The following CA5A variants were observed in gnomAD, a reference collection of about 807,000 sequenced individuals.
CA5A encodes the protein carbonic anhydrase 5A, mitochondrial.
Under a neutral mutation model 37.1 loss-of-function variants are expected in CA5A, and 28 were observed. The observed-to-expected ratio is 0.75, with a 90% CI of 0.56 to 1.03. CA5A has a LOEUF of 1.03. CA5A is among the 50% of genes least tolerant of loss of function. The probability of loss-of-function intolerance (pLI) is 0.00; values close to 1 mark genes in which losing one functional copy is unlikely to be tolerated. For missense variants in CA5A, 444 were observed against 399.9 expected (o/e 1.11, Z -0.94); for synonymous variants, 171 against 158.4 (o/e 1.08, Z -0.60).
intron 2 of CA5A, among the ~76,000 whole-genome samples, chr16:87,907,871 A>G (rs957007001): frequency 2.6e-5 from 4 of 152,234 alleles, no homozygotes; most frequent in African/African-American, 9.6e-5. Context: ...GGTTGCAGTG[A>G]GCCGAGATAG....
chr16:87,902,007 A>C (rs772566109), intron 4 of CA5A, 33 bp from the exon 5 acceptor site: 2 of 1,593,396 alleles, frequency 1.3e-6, no homozygotes, highest in African/African-American at 2.7e-5. Context: ...GTTAGCTGCA[A>C]AGGCAGTGGA....
chr16:87,882,830 A>C (rs1294438551), intron 4 of CA5A: 1 of 151,820 alleles, frequency 6.6e-6, no homozygotes, highest in African/African-American at 2.4e-5. Flanking sequence ...TTCCACTTCG[A>C]CTCCTTCAAC....
intron 2 of CA5A, among the ~76,000 whole-genome samples, chr16:87,905,911 G>A (rs1199860910): frequency 6.6e-6 from 1 of 152,210 alleles, no homozygotes; most frequent in Non-Finnish European, 1.5e-5. Flanking sequence ...TCAGCCATAA[G>A]CATCGCTCGC....
At chr16:87,901,673 C>T (rs549161134) in intron 5 of CA5A, among the ~76,000 whole-genome samples, 3 of 152,054 alleles carry the variant, frequency 2.0e-5, no homozygotes, top group Admixed American at 2.0e-4. Context: ...ACTGCAACCT[C>T]CACCTCTGGG....
rs866090278 is a variant in CA5A at position 87,888,038 on chromosome 16, C to G, written c.*91G>C. 29 of 1,489,340 alleles carry G rather than the reference C, an allele frequency of 1.9e-5. No homozygotes were observed. Among genetic ancestry groups the G allele is most frequent in the Middle Eastern group, 1.9e-4 (1 of 5,158 alleles). The allele number at this position is 1,489,340 out of a possible 1,614,324, so 92.3% of individuals were successfully genotyped here. ...TAACCTCATGCTCTCTTTTTAATTT[C>G]AGAAGTCATGTACAATCACATTGTG... On this transcript the variant is annotated 3_prime_UTR_variant, in exon 7 of 7. Transcript: ENST00000649794.
At chr16:87,906,398 C>T (rs189065073) in intron 2 of CA5A, among the ~76,000 whole-genome samples, 6 of 152,236 alleles carry the variant, frequency 3.9e-5, no homozygotes, top group South Asian at 4.2e-4. Flanking sequence ...GAGGCCGAGG[C>T]GGGCGGATCA....
chr16:87,888,375 G>C lies in CA5A; in HGVS notation c.775-103C>G, dbSNP rs933782903. On this transcript the variant is annotated intron_variant, in intron 6 of 6. Transcript: ENST00000649794. ...GTGGTCCCCTCCCATGCTGAATCAG[G>C]ATGGCCCGAAATGATCAATAAATAT... is the stretch of plus-strand genomic sequence containing the variant. 4.0e-6 allele frequency: 4 copies of C among 1,006,824 alleles called. No homozygotes were observed. In the African/African-American group the frequency reaches 4.8e-5, roughly 12 times the overall value. 62.4% of individuals were successfully genotyped at this position (1,006,824 alleles called of 1,614,324 possible). A position where few individuals can be genotyped will look rare whatever the true frequency, so the allele number is the denominator to read the frequency against.
intron 5 of CA5A, among the ~76,000 whole-genome samples, chr16:87,899,010 C>T (rs1477870257): frequency 6.6e-6 from 1 of 152,090 alleles, no homozygotes; most frequent in Non-Finnish European, 1.5e-5. Context: ...GCTGGGGTTA[C>T]ATGTGTGAGC....
Position 87,894,380 on chromosome 16 carries a change from G to T in CA5A, c.619-2426C>A, listed in dbSNP as rs546565824. ...AGCCACATCACATCACCTTGACTTT[G>T]CTGGGCCCTGGCCTTCCAAGGTGGA... On this transcript the variant is annotated intron_variant, in intron 5 of 6. Coordinates refer to ENST00000649794, the MANE Select transcript of CA5A (RefSeq NM_001739.2). 2.7e-3 allele frequency among the ~76,000 whole-genome samples: 416 copies of T among 152,146 alleles called. 2 individuals are homozygous for T. Among genetic ancestry groups the T allele is most frequent in the African/African-American group, 9.7e-3 (403 of 41,506 alleles).
chr16:87,893,632 G>A (rs2055758048), intron 5 of CA5A: 3 of 667,580 alleles, frequency 4.5e-6, no homozygotes, highest in Non-Finnish European at 7.7e-6. Flanking sequence ...CAGACGGAGT[G>A]CTGTGCCCCT....
Position 87,904,853 on chromosome 16 carries a change from A to C in CA5A, c.392T>G (p.Phe131Cys), listed in dbSNP as rs2055935868. The change falls in exon 3 of 7, where the codon TTC (phenylalanine) becomes TGC (cysteine). Residue 131 changes from phenylalanine to cysteine, a missense_variant. Physicochemically the swap from Phe to Cys is radical, Grantham distance 205 (BLOSUM62 -2). Coordinates refer to ENST00000649794, the MANE Select transcript of CA5A (RefSeq NM_001739.2). ...ENHYRLKQFH[F>C]HWGAVNEGGS... ...CCCCTCGTTCACTGCTCCCCAGTGG[A>C]AGTGAAATTGCTTCAGTCTGTAGTG... is the stretch of plus-strand genomic sequence containing the variant. The C allele has an allele frequency of 5.0e-6, 8 of 1,613,602 alleles. No individual in the cohort carries two copies. In the East Asian group the frequency reaches 1.6e-4, roughly 31 times the overall value.
intron 5 of CA5A, among the ~76,000 whole-genome samples, chr16:87,896,140 T>C (rs1451350420): frequency 6.6e-6 from 1 of 152,234 alleles, no homozygotes; most frequent in Non-Finnish European, 1.5e-5. Context: ...CTGATGAAGA[T>C]AGACAGACAG....
At chr16:87,896,502 T>G (rs2055804904) in intron 5 of CA5A, among the ~76,000 whole-genome samples, 2 of 152,238 alleles carry the variant, frequency 1.3e-5, no homozygotes, top group African/African-American at 2.4e-5. Context: ...GCAGCTAGAA[T>G]GGGACACCGG....
At chr16:87,914,445 C>G (rs957452079) in intron 2 of CA5A, among the ~76,000 whole-genome samples, 1 of 152,190 alleles carries the variant, frequency 6.6e-6, no homozygotes, top group African/African-American at 2.4e-5. Flanking sequence ...CAGATGCGGA[C>G]CCCCAGCCCC....
chr16:87,931,926 C>A (rs1353372788), intron 1 of CA5A, among the ~76,000 whole-genome samples: 12 of 151,020 alleles, frequency 7.9e-5, no homozygotes, highest in Admixed American at 7.9e-4. Context: ...CCCTGAACTT[C>A]CATTGACTGT....
intron 2 of CA5A, among the ~76,000 whole-genome samples, chr16:87,908,388 C>A (rs369943827): frequency 6.6e-6 from 1 of 152,154 alleles, no homozygotes; most frequent in Non-Finnish European, 1.5e-5. Flanking sequence ...GTGGTGATTG[C>A]GCATCGCACA....
At chr16:87,893,125 C>T (rs376473439) in intron 5 of CA5A, 144 of 523,154 alleles carry the variant, frequency 2.8e-4, no homozygotes, top group African/African-American at 1.0e-3. Context: ...TTTCTTTCTT[C>T]CTTTCTTTCT....
rs552989698 is a variant in CA5A at position 87,907,662 on chromosome 16, C to T, written c.341-2758G>A. Among the ~76,000 whole-genome samples the T allele has an allele frequency of 5.9e-5, 9 of 152,002 alleles. No homozygotes were observed. The East Asian group carries it at 1.4e-3, about 23-fold the overall frequency. On this transcript the variant is annotated intron_variant, in intron 2 of 6. Transcript: ENST00000649794. ...TTTCTAGGCTGGGTGTGGTGGCTCACGCCTGTAATCCCAGCACTTTGGGAG... is the reference window on the plus strand; with the variant it reads ...TTTCTAGGCTGGGTGTGGTGGCTCATGCCTGTAATCCCAGCACTTTGGGAG...
chr16:87,907,386 G>C (rs2055979661), intron 2 of CA5A, among the ~76,000 whole-genome samples: 1 of 152,196 alleles, frequency 6.6e-6, no homozygotes, highest in South Asian at 2.1e-4. Context: ...CAGCATCAAA[G>C]TGCATTGATG....
Sources: gnomAD v4.1 joint callset for allele counts (sites outside exome capture counted in the v4.1 genomes callset) on GRCh38, gnomAD v4.1.1 for gene constraint, MANE v1.5 for transcripts, NCBI Gene and HGNC (gene_info 2026-07-23, HGNC 2026-07-21) for gene names.